The following DENND5A variants were observed in gnomAD, a reference collection of about 807,000 sequenced individuals.
DENND5A encodes DENN domain-containing protein 5A.
Under a neutral mutation model 140.3 loss-of-function variants are expected in DENND5A, and 64 were observed. That is an observed-to-expected ratio of 0.46 (90% CI 0.37 to 0.56). The LOEUF (loss-of-function observed/expected upper bound fraction) is 0.56, where lower values mean the gene tolerates loss of function less well. Among genes scored for constraint, DENND5A ranks in the 20% least tolerant of loss-of-function variants. DENND5A has a pLI of 0.00. For synonymous variants in DENND5A, 605 were observed against 607.7 expected, an observed-to-expected ratio of 1.00 and a Z score of 0.07; for missense variants, 1,292 against 1,593.8, an observed-to-expected ratio of 0.81 and a Z score of 3.22.
At chr11:9,170,507 T>G in intron 9 of DENND5A, 120 bp downstream of exon 9, 1 of 1,268,138 alleles carries the variant, frequency 7.9e-7, no homozygotes, top group Non-Finnish European at 1.1e-6. Flanking sequence ...AGTCTGGGTC[T>G]TCTCCATATC....
chr11:9,260,385 C>A (rs1199659373), intron 1 of DENND5A, among the ~76,000 whole-genome samples: 1 of 152,052 alleles, frequency 6.6e-6, no homozygotes, highest in African/African-American at 2.4e-5. Flanking sequence ...CTAGTGGTGA[C>A]CATCAGAAAC....
At position 9,169,888 on chromosome 11, in the gene DENND5A, C is replaced by T. The variant is rs752406898; in HGVS notation, c.2119G>A (p.Glu707Lys). The T allele has an allele frequency of 6.2e-7, 1 of 1,613,636 alleles. No homozygotes were observed. The highest frequency in any genetic ancestry group is 8.5e-7 in the Non-Finnish European group (1 of 1,179,556). ...TGGTCATTATCTAAACGCAGGTGTTCTGTGTGCTGCTTCTGCCGATCTTTC... is the reference window on the plus strand; with the variant it reads ...TGGTCATTATCTAAACGCAGGTGTTTTGTGTGCTGCTTCTGCCGATCTTTC... ...RRKDRQKQHT[E>K]HLRLDNDQRE... The change falls in exon 10 of 23, where the codon GAA becomes AAA. Residue 707 changes from glutamate (E) to lysine (K), a missense_variant. By Grantham distance (56) the Glu-to-Lys change is moderately conservative. This residue lies in a region of DENND5A where 199 missense variants were observed against 189.1 expected (regional missense o/e 1.05). Coordinates refer to ENST00000328194, the MANE Select transcript of DENND5A (RefSeq NM_015213.4).
Position 9,203,826 on chromosome 11 carries a change from C to T in DENND5A, c.783G>A (p.Lys261=), listed in dbSNP as rs1849599406. ...TTATTGGCCCATAGACCCCAGAAAA[C>T]TTCAAGGACCGGCCAGGAGGTGGGA... ...VPLPPPGRSL[K]FSGVYGPIIC... Residue 261 remains lysine, a synonymous_variant, in exon 4 of 23, where the codon AAG becomes AAA. Coordinates refer to ENST00000328194, the MANE Select transcript of DENND5A (RefSeq NM_015213.4). The T allele has an allele frequency of 1.9e-6, 3 of 1,614,150 alleles. No homozygotes were observed. The Admixed American group carries it at 5.0e-5, about 27-fold the overall frequency.
intron 5 of DENND5A, among the ~76,000 whole-genome samples, chr11:9,189,238 T>C (rs887366517): frequency 1.3e-5 from 2 of 152,302 alleles, no homozygotes; most frequent in Non-Finnish European, 2.9e-5. Flanking sequence ...AAGTCAAGAA[T>C]TGGGGTTTGG....
At position 9,169,934 on chromosome 11, in the gene DENND5A, A is replaced by C; in HGVS notation, c.2073T>G (p.Asn691Lys). The change falls in exon 10 of 23, where the codon AAT becomes AAG. Residue 691 changes from asparagine to lysine, a missense_variant. This residue lies in a region of DENND5A where 199 missense variants were observed against 189.1 expected (regional missense o/e 1.05). Transcript: ENST00000328194. ...CTTTCCGCCTCCACTGGGCAGGGGC[A>C]TTCCTTTTCGTCCACCTAACACAAT... Reference protein sequence around the residue: ...GPASNKWTKRNAPAQWRRKDR... With the variant: ...GPASNKWTKRKAPAQWRRKDR... The C allele has an allele frequency of 6.2e-7, 1 of 1,613,414 alleles. No homozygotes were observed. The highest frequency in any genetic ancestry group is 8.5e-7 in the Non-Finnish European group (1 of 1,179,374).
At chr11:9,264,301 T>C (rs1852344236) in intron 1 of DENND5A, among the ~76,000 whole-genome samples, 1 of 152,116 alleles carries the variant, frequency 6.6e-6, no homozygotes, top group Non-Finnish European at 1.5e-5. Flanking sequence ...TGCTACCCTT[T>C]TATTCACAAA....
chr11:9,240,535 A>C (rs2136272064), intron 1 of DENND5A, among the ~76,000 whole-genome samples: 1 of 151,798 alleles, frequency 6.6e-6, no homozygotes, highest in South Asian at 2.1e-4. Context: ...CGTGGTGAAA[A>C]CCCATCGCTA....
At chr11:9,228,907 TAGTA>T (rs1304679398) in intron 1 of DENND5A, among the ~76,000 whole-genome samples, 5 of 152,130 alleles carry the variant, frequency 3.3e-5, no homozygotes, top group African/African-American at 4.8e-5. Context: ...AAATGGGTAA[TAGTA>T]AGTAAAGTAC....
chr11:9,142,899 C>T, intron 20 of DENND5A, 54 bp from the exon 21 acceptor site: 2 of 1,602,240 alleles, frequency 1.2e-6, no homozygotes, highest in Non-Finnish European at 1.7e-6. Flanking sequence ...AGCTGCCCTC[C>T]CACCATTGCA....
intron 6 of DENND5A, among the ~76,000 whole-genome samples, chr11:9,179,877 T>C (rs1848668514): frequency 6.6e-6 from 1 of 151,240 alleles, no homozygotes; most frequent in African/African-American, 2.4e-5. Context: ...TCTAGTCTAC[T>C]AAGCAAAAAA....
chr11:9,140,366 C>G (rs1847196612), intron 22 of DENND5A: 1 of 470,114 alleles, frequency 2.1e-6, no homozygotes, highest in Admixed American at 2.6e-5. Context: ...AACTTGAGAT[C>G]TGAACCTAGT....
intron 1 of DENND5A, among the ~76,000 whole-genome samples, chr11:9,264,032 T>C (rs1326932124): frequency 1.3e-5 from 2 of 152,090 alleles, no homozygotes; most frequent in East Asian, 1.9e-4. Context: ...AACCTTAAAG[T>C]ACAACCCGAC....
intron 19 of DENND5A, 109 bp downstream of exon 19, chr11:9,143,988 T>C: frequency 1.5e-6 from 2 of 1,328,932 alleles, no homozygotes; most frequent in African/African-American, 2.9e-5. Flanking sequence ...AAGTGTTTCC[T>C]GAGGCAGCTG....
intron 1 of DENND5A, among the ~76,000 whole-genome samples, chr11:9,226,077 C>G (rs562783883): frequency 6.6e-6 from 1 of 152,324 alleles, no homozygotes; most frequent in South Asian, 2.1e-4. Flanking sequence ...GAGACCCTGT[C>G]TCAAAAATCA....
intron 20 of DENND5A, 88 bp downstream of exon 20, chr11:9,143,315 T>G (rs1847311120): frequency 1.7e-6 from 2 of 1,186,086 alleles, no homozygotes; most frequent in Admixed American, 3.4e-5. Flanking sequence ...CACATGGGCC[T>G]GGAAGAGCAT....
chr11:9,212,710 G>A (rs77846322), intron 1 of DENND5A, among the ~76,000 whole-genome samples: 1 of 152,060 alleles, frequency 6.6e-6, no homozygotes, highest in Non-Finnish European at 1.5e-5. Flanking sequence ...AAAAATGAGG[G>A]CAAATTAAAA....
chr11:9,184,372 C>G (rs1235865146), intron 5 of DENND5A, among the ~76,000 whole-genome samples: 1 of 151,722 alleles, frequency 6.6e-6, no homozygotes, highest in Non-Finnish European at 1.5e-5. Context: ...AAAAAAAAGA[C>G]ATTTCAGTTG....
rs59297086 is a variant in DENND5A, at chr11:9,169,495, G to GCACACACACACACA, written c.2151+347_2151+360dup. Among the ~76,000 whole-genome samples, 204 of 145,794 alleles carry GCACACACACACACA rather than the reference G, an allele frequency of 1.4e-3. 1 individual carries two copies. The highest frequency in any genetic ancestry group is 5.0e-3 in the African/African-American group (200 of 39,686). ...ATTAACTTTTTTCCTATATACACAC[G>GCACACACACACACA]CACACACACACACACACACACACAC... On this transcript the variant is annotated intron_variant, in intron 10 of 22. Coordinates refer to ENST00000328194, the MANE Select transcript of DENND5A (RefSeq NM_015213.4).
In DENND5A at chr11:9,160,849, A is replaced by T; in HGVS notation, c.2300T>A (p.Val767Glu). Reference sequence around the variant, plus strand: ...CACAGCTTCTCGGCCCATCTTTTCCACCAGCATCCTCTTGGTCTACAAGGA... The same window carrying T: ...CACAGCTTCTCGGCCCATCTTTTCCTCCAGCATCCTCTTGGTCTACAAGGA... The part of the protein sequence containing the change: ...ECRNKTKRML[V>E]EKMGREAVEL... Residue 767 changes from valine (V) to glutamate (E), a missense_variant, in exon 12 of 23, where the codon GTG becomes GAG. Physicochemically the swap from Val to Glu is moderately radical, Grantham distance 121. This residue lies in a region of DENND5A where 498 missense variants were observed against 689.7 expected (regional missense o/e 0.72). Transcript: ENST00000328194. 6.2e-7 allele frequency: 1 copy of T among 1,613,834 alleles called. No homozygotes were observed. The highest frequency in any genetic ancestry group is 8.5e-7 in the Non-Finnish European group (1 of 1,179,804).
Sources: gnomAD v4.1 joint callset for allele counts (sites outside exome capture counted in the v4.1 genomes callset) on GRCh38, gnomAD v4.1.1 for gene constraint, gnomAD v4.1.1 regional missense constraint, MANE v1.5 for transcripts, NCBI Gene and HGNC (gene_info 2026-07-23, HGNC 2026-07-21) for gene names.